The following CRYBA4 variants were observed in gnomAD, a reference collection of about 807,000 sequenced individuals.
The protein encoded by CRYBA4 is crystallin beta A4, also known as beta-crystallin A4.
In CRYBA4, 30 loss-of-function variants were observed where a neutral mutation model predicts 31.7. The ratio of observed to expected loss-of-function variants is 0.95; its 90% confidence interval spans 0.71 to 1.28. CRYBA4 has a LOEUF of 1.28. CRYBA4 is among the 50% of genes most tolerant of loss of function. The probability of loss-of-function intolerance (pLI) is 0.00; values close to 1 mark genes in which losing one functional copy is unlikely to be tolerated. For synonymous variants in CRYBA4, 102 were observed against 102.3 expected (o/e 1.00, Z 0.02); for missense variants, 225 against 260.7 (o/e 0.86, Z 0.94).
upstream of CRYBA4, chr22:26,621,829 C>T (rs914402122): frequency 3.6e-5 from 8 of 222,802 alleles, no homozygotes; most frequent in East Asian, 1.8e-4. Flanking sequence ...GAGCTGCTGA[C>T]GGCTTGCCAT....
chr22:26,592,242 G>C, the CRYBA4 span, among the ~76,000 whole-genome samples: 1 of 152,230 alleles, frequency 6.6e-6, no homozygotes, highest in Non-Finnish European at 1.5e-5. Flanking sequence ...TTCAGAGGAA[G>C]AGGTGTGAAT....
At chr22:26,624,239 G>A (rs998391023) in intron 3 of CRYBA4, among the ~76,000 whole-genome samples, 5 of 151,920 alleles carry the variant, frequency 3.3e-5, no homozygotes, top group African/African-American at 1.2e-4. Flanking sequence ...GAAAGGAGGT[G>A]TGGCCAGTAG....
chr22:26,608,094 TTC>T, the CRYBA4 span: 1 of 1,610,842 alleles, frequency 6.2e-7, no homozygotes, highest in Admixed American at 1.7e-5. Context: ...CTACTTGCCT[TTC>T]TCTCTCCCCT....
chr22:26,599,780 C>T, the CRYBA4 span: 2 of 866,022 alleles, frequency 2.3e-6, no homozygotes, highest in South Asian at 1.4e-5. Flanking sequence ...CAGTCGGCTG[C>T]TCTCTCACTT....
At chr22:26,594,408 C>T in the CRYBA4 span, among the ~76,000 whole-genome samples, 1 of 152,176 alleles carries the variant, frequency 6.6e-6, no homozygotes, top group African/African-American at 2.4e-5. Flanking sequence ...TGGGCTTATG[C>T]TCCAATGTCT....
chr22:26,609,204 G>A, the CRYBA4 span, among the ~76,000 whole-genome samples: 3 of 152,170 alleles, frequency 2.0e-5, no homozygotes, highest in Non-Finnish European at 4.4e-5. Flanking sequence ...CAAGGATGAT[G>A]GGCTATCACC....
chr22:26,603,644 C>T, the CRYBA4 span, among the ~76,000 whole-genome samples: 1 of 151,640 alleles, frequency 6.6e-6, no homozygotes, highest in Non-Finnish European at 1.5e-5. Flanking sequence ...GTGGCTCACG[C>T]CTGTAATCCC....
the CRYBA4 span, among the ~76,000 whole-genome samples, chr22:26,605,096 C>T: frequency 2.6e-5 from 4 of 152,292 alleles, no homozygotes; most frequent in Admixed American, 2.0e-4. Context: ...CTGCTCTTCA[C>T]GTGGCTGAGT....
chr22:26,600,263 G>C, the CRYBA4 span, among the ~76,000 whole-genome samples: 7 of 152,026 alleles, frequency 4.6e-5, no homozygotes, highest in South Asian at 1.0e-3. Flanking sequence ...TTAGCAGGGT[G>C]TGGTGGTGGG....
At chr22:26,599,500 G>T in the CRYBA4 span, 1 of 1,612,512 alleles carries the variant, frequency 6.2e-7, no homozygotes, top group South Asian at 1.1e-5. Context: ...TCACTTGGGG[G>T]GCTCTGTGGC....
At chr22:26,625,035 CGG>C (rs1929660144) in intron 3 of CRYBA4, among the ~76,000 whole-genome samples, 1 of 152,222 alleles carries the variant, frequency 6.6e-6, no homozygotes, top group Non-Finnish European at 1.5e-5. Flanking sequence ...GGCAGGATCA[CGG>C]GGAATTCCAC....
At chr22:26,625,390 G>T (rs1602339963) in intron 3 of CRYBA4, 91 bp from the exon 4 acceptor site, 3 of 1,460,780 alleles carry the variant, frequency 2.1e-6, no homozygotes, top group Non-Finnish European at 1.9e-6. Context: ...CTGAATGGTT[G>T]TGACTGTGAC....
At chr22:26,617,417 G>C (rs879818503), upstream of CRYBA4, among the ~76,000 whole-genome samples, 2 of 152,208 alleles carry the variant, frequency 1.3e-5, no homozygotes, top group African/African-American at 4.8e-5. Context: ...GTTGGGATAA[G>C]CACATCCCTC....
Sources: gnomAD v4.1 joint callset for allele counts (sites outside exome capture counted in the v4.1 genomes callset) on GRCh38, gnomAD v4.1.1 for gene constraint, MANE v1.5 for transcripts, NCBI Gene and HGNC (gene_info 2026-07-23, HGNC 2026-07-21) for gene names.